The following MGAT4C variants were observed in gnomAD, a reference collection of about 807,000 sequenced individuals.
The protein encoded by MGAT4C is alpha-1,3-mannosyl-glycoprotein 4-beta-N-acetylglucosaminyltransferase C.
In MGAT4C, 19 loss-of-function variants were observed where a neutral mutation model predicts 40.1. That is an observed-to-expected ratio of 0.47 (90% CI 0.33 to 0.70). The LOEUF (loss-of-function observed/expected upper bound fraction) is 0.70. Ranked by LOEUF, MGAT4C falls within the 30% of genes least tolerant of loss-of-function variation. MGAT4C has a pLI of 0.02. For missense variants in MGAT4C, 491 were observed against 563.2 expected, an observed-to-expected ratio of 0.87 and a Z score of 1.30; for synonymous variants, 181 against 187.1, an observed-to-expected ratio of 0.97 and a Z score of 0.27.
At chr12:86,624,689 CAT>C (rs1962745903) in intron 2 of MGAT4C, among the ~76,000 whole-genome samples, 2 of 151,966 alleles carry the variant, frequency 1.3e-5, no homozygotes, top group East Asian at 3.9e-4. Flanking sequence ...AGTTTCCCCA[CAT>C]AGAGGTGCCA....
chr12:86,745,481 C>A (rs1167145599), intron 1 of MGAT4C, among the ~76,000 whole-genome samples: 1 of 151,608 alleles, frequency 6.6e-6, no homozygotes, highest in East Asian at 1.9e-4. Flanking sequence ...TGGAGTCCAA[C>A]TTTACAATAT....
At chr12:86,480,858 CT>C (rs147255134) in intron 2 of MGAT4C, among the ~76,000 whole-genome samples, 7 of 150,718 alleles carry the variant, frequency 4.6e-5, no homozygotes, top group South Asian at 2.1e-4. Flanking sequence ...GTTTTTGTTT[CT>C]TTTTTTTTCT....
intron 2 of MGAT4C, chr12:86,601,148 AG>A (rs1406653792): frequency 6.6e-6 from 1 of 152,430 alleles, no homozygotes; most frequent in Non-Finnish European, 1.5e-5. Context: ...CACCCCTGGG[AG>A]CAGTCAGCCT....
intron 1 of MGAT4C, among the ~76,000 whole-genome samples, chr12:86,745,714 C>T (rs1024491194): frequency 3.3e-5 from 5 of 151,548 alleles, no homozygotes; most frequent in Admixed American, 3.3e-4. Flanking sequence ...GTAAATCTGG[C>T]TCCATTAAAG....
At chr12:86,786,194 A>G (rs1362697187) in intron 1 of MGAT4C, among the ~76,000 whole-genome samples, 1 of 152,134 alleles carries the variant, frequency 6.6e-6, no homozygotes, top group African/African-American at 2.4e-5. Context: ...AGCTGACAAA[A>G]ATGCAATGTC....
chr12:86,221,198 C>T (rs1191128811), intron 1 of MGAT4C, among the ~76,000 whole-genome samples: 1 of 151,994 alleles, frequency 6.6e-6, no homozygotes, highest in African/African-American at 2.4e-5. Context: ...ATTCTGTTTA[C>T]TCGTGGGGGC....
intron 1 of MGAT4C, among the ~76,000 whole-genome samples, chr12:86,076,922 A>C (rs922498870): frequency 1.1e-4 from 17 of 152,308 alleles, no homozygotes; most frequent in African/African-American, 4.1e-4. Context: ...AAGAACATGG[A>C]GTCCAATGTT....
At chr12:86,023,956 T>C (rs1344405529) in intron 2 of MGAT4C, among the ~76,000 whole-genome samples, 1 of 151,846 alleles carries the variant, frequency 6.6e-6, no homozygotes, top group Non-Finnish European at 1.5e-5. Flanking sequence ...CCTCCACATA[T>C]TATCTTGCAT....
chr12:86,047,027 A>G (rs1892463456), intron 2 of MGAT4C, among the ~76,000 whole-genome samples: 1 of 152,196 alleles, frequency 6.6e-6, no homozygotes, highest in African/African-American at 2.4e-5. Context: ...TAAATATTTT[A>G]AAATTTATAT....
At chr12:86,407,413 T>A (rs1956496006) in intron 3 of MGAT4C, among the ~76,000 whole-genome samples, 1 of 152,030 alleles carries the variant, frequency 6.6e-6, no homozygotes, top group Non-Finnish European at 1.5e-5. Flanking sequence ...AAGGGTGTAG[T>A]GAGAAAATGA....
rs186699589 is a variant in MGAT4C at position 86,752,337 on chromosome 12, A to G, written c.-261-25096T>C. 4.2e-3 allele frequency among the ~76,000 whole-genome samples: 641 copies of G among 152,206 alleles called. 5 individuals carry two copies. The highest frequency in any genetic ancestry group is 0.015 in the African/African-American group (621 of 41,566). On this transcript the variant is annotated intron_variant, in intron 1 of 7. Coordinates refer to the MGAT4C transcript ENST00000548651. ...TAAACACAAAATTTCATAAAAAGTG[A>G]ATACATACACAAATACCACACTCTC...
chr12:86,036,889 T>C (rs1468943302), intron 2 of MGAT4C, among the ~76,000 whole-genome samples: 2 of 149,936 alleles, frequency 1.3e-5, no homozygotes, highest in Non-Finnish European at 3.0e-5. Flanking sequence ...TCTTTGTACC[T>C]CTGGTAGAAT....
chr12:86,401,592 T>G (rs1956364425), intron 3 of MGAT4C, among the ~76,000 whole-genome samples: 1 of 152,166 alleles, frequency 6.6e-6, no homozygotes, highest in Admixed American at 6.6e-5. Flanking sequence ...TTATTCACTT[T>G]TTTTCCTATA....
chr12:86,122,669 C>T (rs73385599), intron 1 of MGAT4C, among the ~76,000 whole-genome samples: 5,295 of 151,984 alleles, frequency 0.035, 295 homozygotes, highest in East Asian at 0.28. Flanking sequence ...TATTAAGCTT[C>T]GAATTAATCT....
At chr12:86,318,300 C>A (rs577183126) in intron 4 of MGAT4C, among the ~76,000 whole-genome samples, 1 of 152,304 alleles carries the variant, frequency 6.6e-6, no homozygotes, top group South Asian at 2.1e-4. Flanking sequence ...AAATTTCTTT[C>A]CAACACGCCT....
At chr12:86,367,543 T>C (rs1955622586) in intron 3 of MGAT4C, among the ~76,000 whole-genome samples, 1 of 152,202 alleles carries the variant, frequency 6.6e-6, no homozygotes, top group African/African-American at 2.4e-5. Context: ...CTCACACCGG[T>C]AATCCCAGCA....
intron 1 of MGAT4C, among the ~76,000 whole-genome samples, chr12:86,084,171 T>C (rs1214031709): frequency 9.2e-5 from 14 of 152,060 alleles, no homozygotes; most frequent in Admixed American, 9.2e-4. Context: ...ACTAATAGGA[T>C]AAAAATAAAG....
chr12:85,996,049 T>C (rs1178423722), intron 2 of MGAT4C, among the ~76,000 whole-genome samples: 1 of 152,172 alleles, frequency 6.6e-6, no homozygotes, highest in Non-Finnish European at 1.5e-5. Flanking sequence ...TATAGGACAA[T>C]GTCTAGAACT....
At chr12:86,486,440 T>G (rs2136318312) in intron 2 of MGAT4C, among the ~76,000 whole-genome samples, 1 of 150,100 alleles carries the variant, frequency 6.7e-6, no homozygotes, top group South Asian at 2.1e-4. Context: ...GAGTTACTAT[T>G]CTTACAAGAG....
Sources: allele counts gnomAD v4.1 joint callset (sites outside exome capture counted in the v4.1 genomes callset), GRCh38; gene constraint gnomAD v4.1.1; transcripts MANE v1.5; gene names NCBI Gene and HGNC (gene_info 2026-07-23, HGNC 2026-07-21).